The following ACOXL variants were observed in gnomAD, a reference collection of about 807,000 sequenced individuals.
The protein encoded by ACOXL is acyl-coenzyme A oxidase-like protein.
ACOXL carries 70 observed loss-of-function variants against 71.9 expected under a neutral mutation model. The observed-to-expected ratio is 0.97, with a 90% CI of 0.80 to 1.19. The LOEUF (loss-of-function observed/expected upper bound fraction) is 1.19, where lower values mean the gene tolerates loss of function less well. ACOXL is among the 50% of genes most tolerant of loss of function. The pLI is 0.00. For synonymous variants in ACOXL, 253 were observed against 281.6 expected (o/e 0.90, Z 1.02); for missense variants, 703 against 736.3 (o/e 0.95, Z 0.52).
intron 11 of ACOXL, among the ~76,000 whole-genome samples, chr2:110,926,964 T>C (rs1171728114): frequency 6.6e-6 from 1 of 152,148 alleles, no homozygotes; most frequent in Non-Finnish European, 1.5e-5. Flanking sequence ...ATTAGTTTGT[T>C]CTTTCACTGC....
At chr2:110,817,575 A>G (rs1436125954) in intron 9 of ACOXL, among the ~76,000 whole-genome samples, 1 of 152,126 alleles carries the variant, frequency 6.6e-6, no homozygotes, top group African/African-American at 2.4e-5. Context: ...CTTTGGGCCA[A>G]CCTGGCCCAT....
chr2:110,948,717 A>AAG (rs2061211707), intron 12 of ACOXL, among the ~76,000 whole-genome samples: 1 of 151,334 alleles, frequency 6.6e-6, no homozygotes, highest in Non-Finnish European at 1.5e-5. Context: ...AAAAAAAAAA[A>AAG]AAAAAAAAAA....
At chr2:110,851,348 G>A (rs546200798) in intron 10 of ACOXL, among the ~76,000 whole-genome samples, 5 of 152,260 alleles carry the variant, frequency 3.3e-5, no homozygotes, top group African/African-American at 4.8e-5. Flanking sequence ...GTCTGAGGCC[G>A]TGTTGACACT....
chr2:111,041,966 C>T (rs1196049575), intron 15 of ACOXL, among the ~76,000 whole-genome samples: 1 of 152,214 alleles, frequency 6.6e-6, no homozygotes, highest in Non-Finnish European at 1.5e-5. Flanking sequence ...TTGCAATGCC[C>T]CCCATGTGGA....
At chr2:110,905,686 C>T (rs765400650) in intron 10 of ACOXL, among the ~76,000 whole-genome samples, 24 of 152,156 alleles carry the variant, frequency 1.6e-4, no homozygotes, top group Non-Finnish European at 2.9e-4. Flanking sequence ...AGGGCTCTGG[C>T]GTCCTCAGGG....
At chr2:110,857,249 G>A (rs1257668075) in intron 10 of ACOXL, among the ~76,000 whole-genome samples, 1 of 152,196 alleles carries the variant, frequency 6.6e-6, no homozygotes, top group African/African-American at 2.4e-5. Flanking sequence ...AGATGTAGAA[G>A]ATTGAGAAAA....
chr2:110,987,295 C>T, intron 13 of ACOXL, 78 bp downstream of exon 13: 1 of 1,317,156 alleles, frequency 7.6e-7, no homozygotes, highest in Non-Finnish European at 1.1e-6. Flanking sequence ...CTTGGCATAA[C>T]TCACTCTTGC....
At chr2:110,779,045 A>G (rs1683008838) in intron 2 of ACOXL, among the ~76,000 whole-genome samples, 1 of 152,246 alleles carries the variant, frequency 6.6e-6, no homozygotes, top group Non-Finnish European at 1.5e-5. Context: ...ATGTGCTGCC[A>G]GGGGAAGAGG....
chr2:111,087,007 C>G (rs748219117), intron 16 of ACOXL, among the ~76,000 whole-genome samples: 2 of 152,086 alleles, frequency 1.3e-5, no homozygotes, highest in Non-Finnish European at 2.9e-5. Flanking sequence ...GATACACCAA[C>G]AAAATCCAAG....
At chr2:110,864,763 C>T (rs1373186028) in intron 10 of ACOXL, among the ~76,000 whole-genome samples, 1 of 152,182 alleles carries the variant, frequency 6.6e-6, no homozygotes, top group African/African-American at 2.4e-5. Flanking sequence ...TAATACAGTC[C>T]ACTTTTTGGC....
intron 2 of ACOXL, among the ~76,000 whole-genome samples, chr2:110,777,194 T>C (rs968869474): frequency 2.6e-5 from 4 of 151,944 alleles, no homozygotes; most frequent in African/African-American, 9.7e-5. Context: ...GCCATCAACA[T>C]AGAGATGAAT....
At chr2:110,965,643 A>C (rs116251007) in intron 12 of ACOXL, among the ~76,000 whole-genome samples, 1 of 152,206 alleles carries the variant, frequency 6.6e-6, no homozygotes, top group African/African-American at 2.4e-5. Flanking sequence ...GGAGTTCTCA[A>C]AAAAGGACAA....
intron 12 of ACOXL, among the ~76,000 whole-genome samples, chr2:110,938,370 C>T (rs1360549257): frequency 1.3e-5 from 2 of 152,238 alleles, no homozygotes; most frequent in Non-Finnish European, 2.9e-5. Flanking sequence ...CTACAGCAGG[C>T]ACTCTGTGGT....
intron 17 of ACOXL, among the ~76,000 whole-genome samples, chr2:111,102,447 G>A (rs2069228682): frequency 6.6e-6 from 1 of 152,152 alleles, no homozygotes; most frequent in South Asian, 2.1e-4. Flanking sequence ...CACAAGAGAG[G>A]GCAAATTGTT....
chr2:110,995,699 A>C (rs1321793212), intron 13 of ACOXL, among the ~76,000 whole-genome samples, 194 bp from the exon 14 acceptor site: 1 of 152,134 alleles, frequency 6.6e-6, no homozygotes, highest in Non-Finnish European at 1.5e-5. Context: ...ACCACCTAGA[A>C]TAAACTAGAG....
intron 16 of ACOXL, among the ~76,000 whole-genome samples, chr2:111,078,922 A>G (rs533187838): frequency 3.9e-4 from 60 of 152,214 alleles, no homozygotes; most frequent in African/African-American, 1.4e-3. Flanking sequence ...GTTGATTGTG[A>G]TTCCAATGTC....
At chr2:110,748,381 G>A (rs1678502034) in intron 1 of ACOXL, among the ~76,000 whole-genome samples, 1 of 152,158 alleles carries the variant, frequency 6.6e-6, no homozygotes, top group South Asian at 2.1e-4. Context: ...TGCCTATCAG[G>A]CTTTATCTCT....
At chr2:110,898,097 A>G (rs1475743695) in intron 10 of ACOXL, among the ~76,000 whole-genome samples, 2 of 152,184 alleles carry the variant, frequency 1.3e-5, no homozygotes, top group Non-Finnish European at 2.9e-5. Context: ...TGAACTCATG[A>G]TTTTAAAACT....
In ACOXL at chr2:110,771,637, C is replaced by T. The variant is rs568394126; in HGVS notation, c.75+3173C>T. Among the ~76,000 whole-genome samples the T allele has an allele frequency of 3.9e-5, 6 of 152,270 alleles. No individual in the cohort carries two copies. The East Asian group carries it at 5.8e-4, about 15-fold the overall frequency. ...TTGAGATGTTTCAATAATTTTAAAG[C>T]GAAAAAACAATATGAGTCTGATTGC... On this transcript the variant is annotated intron_variant, in intron 2 of 17. Transcript: ENST00000439055.
Sources: allele counts gnomAD v4.1 joint callset (sites outside exome capture counted in the v4.1 genomes callset), GRCh38; gene constraint gnomAD v4.1.1; transcripts MANE v1.5; gene names NCBI Gene and HGNC (gene_info 2026-07-23, HGNC 2026-07-21).